The following MYT1L variants were observed in gnomAD, a reference collection of about 807,000 sequenced individuals.
The protein encoded by MYT1L is myelin transcription factor 1-like protein.
A neutral mutation model predicts 126.7 loss-of-function variants in MYT1L; 12 were observed. The observed-to-expected ratio is 0.09, with a 90% confidence interval of 0.06 to 0.15. The LOEUF (loss-of-function observed/expected upper bound fraction) is 0.15. Among genes scored for constraint, MYT1L ranks in the 10% least tolerant of loss-of-function variants. MYT1L has a pLI of 1.00. For missense variants in MYT1L, 979 were observed against 1,585.2 expected (o/e 0.62, Z 6.49); for synonymous variants, 541 against 604.2 (o/e 0.90, Z 1.53).
At chr2:2,226,196 A>T (rs1350748201) in intron 2 of MYT1L, among the ~76,000 whole-genome samples, 1 of 152,154 alleles carries the variant, frequency 6.6e-6, no homozygotes, top group Non-Finnish European at 1.5e-5. Context: ...TCACAGCAAC[A>T]TTGAGTCCTA....
intron 3 of MYT1L, among the ~76,000 whole-genome samples, chr2:2,084,603 C>G (rs892362623): frequency 1.3e-5 from 2 of 152,146 alleles, no homozygotes; most frequent in African/African-American, 4.8e-5. Flanking sequence ...GCTGCAGAAA[C>G]CAGGAGGCAA....
chr2:2,208,714 C>A (rs1290894478), intron 2 of MYT1L, among the ~76,000 whole-genome samples: 1 of 151,896 alleles, frequency 6.6e-6, no homozygotes, highest in Non-Finnish European at 1.5e-5. Flanking sequence ...TAAATTTTTG[C>A]CTGACATTTT....
intron 3 of MYT1L, among the ~76,000 whole-genome samples, chr2:2,114,971 G>A (rs538761854): frequency 1.3e-5 from 2 of 152,276 alleles, no homozygotes; most frequent in South Asian, 2.1e-4. Context: ...TCCTACCTCC[G>A]TAGCATCTCA....
In MYT1L at chr2:2,149,279, G is replaced by A. The variant is rs147305836; in HGVS notation, c.-304+23593C>T. Among the ~76,000 whole-genome samples the A allele has an allele frequency of 7.2e-5, 11 of 152,200 alleles. No individual in the cohort carries two copies. In the East Asian group the frequency reaches 7.7e-4, roughly 11 times the overall value. ...ATGGAAAAGTGTCTTTAAAACCAGC[G>A]GAAAAGAATAATGAATTCAGTAACT... On this transcript the variant is annotated intron_variant, in intron 3 of 24. Coordinates refer to ENST00000647738, the MANE Select transcript of MYT1L (RefSeq NM_001303052.2).
chr2:1,850,836 C>T (rs2043175753), intron 19 of MYT1L, among the ~76,000 whole-genome samples: 1 of 152,112 alleles, frequency 6.6e-6, no homozygotes, highest in Non-Finnish European at 1.5e-5. Context: ...CATCCACTGA[C>T]CCCAATCTGC....
chr2:2,030,343 C>T (rs748170015), intron 4 of MYT1L, among the ~76,000 whole-genome samples: 4 of 152,018 alleles, frequency 2.6e-5, no homozygotes, highest in Admixed American at 1.3e-4. Context: ...ATGATCCACC[C>T]GCCTCAGCCT....
intron 1 of MYT1L, among the ~76,000 whole-genome samples, chr2:2,286,245 T>C (rs550999842): frequency 6.6e-6 from 1 of 152,168 alleles, no homozygotes; most frequent in Non-Finnish European, 1.5e-5. Context: ...CCTCCCAATG[T>C]GCTGGGATTA....
At chr2:2,029,602 C>T (rs72767347) in intron 4 of MYT1L, among the ~76,000 whole-genome samples, 6,397 of 152,232 alleles carry the variant, frequency 0.042, 201 homozygotes, top group Non-Finnish European at 0.065. Context: ...ACAGCAAAGC[C>T]GTATCGATGT....
chr2:2,116,532 G>T (rs1404778909), intron 3 of MYT1L, among the ~76,000 whole-genome samples: 1 of 152,192 alleles, frequency 6.6e-6, no homozygotes, highest in Admixed American at 6.5e-5. Context: ...CTCCAGAGTG[G>T]GTCCCCAGTG....
chr2:2,167,829 C>T (rs919405402), intron 3 of MYT1L, among the ~76,000 whole-genome samples: 3 of 152,216 alleles, frequency 2.0e-5, no homozygotes, highest in African/African-American at 7.2e-5. Context: ...GTTATACTCT[C>T]ACCCTTATTA....
rs577836523 is a variant in MYT1L, at chr2:1,914,858, C to T, written c.1618+2347G>A. Among the ~76,000 whole-genome samples the T allele has an allele frequency of 5.3e-5, 8 of 152,336 alleles. No homozygotes were observed. In the East Asian group the frequency reaches 1.5e-3, roughly 29 times the overall value. On this transcript the variant is annotated intron_variant, in intron 11 of 24. Coordinates refer to ENST00000647738, the MANE Select transcript of MYT1L (RefSeq NM_001303052.2). Reference sequence around the variant, plus strand: ...CCACAACCACTGTCTTTTCCATGCCCTGATCTCTTGTGTGGACTTTTACAA... The same window carrying T: ...CCACAACCACTGTCTTTTCCATGCCTTGATCTCTTGTGTGGACTTTTACAA...
At chr2:1,851,581 T>G in intron 19 of MYT1L, 60 bp downstream of exon 19, 1 of 1,513,562 alleles carries the variant, frequency 6.6e-7, no homozygotes, top group South Asian at 1.1e-5. Context: ...ACGTGAGTGA[T>G]ATTCCTGCCA....
At chr2:2,086,126 T>A (rs2076328682) in intron 3 of MYT1L, among the ~76,000 whole-genome samples, 1 of 152,216 alleles carries the variant, frequency 6.6e-6, no homozygotes, top group South Asian at 2.1e-4. Context: ...TCTGTCTTGA[T>A]AAAGAAGACT....
chr2:2,163,941 AT>A (rs1377541350), intron 3 of MYT1L, among the ~76,000 whole-genome samples: 13 of 151,904 alleles, frequency 8.6e-5, no homozygotes, highest in Admixed American at 5.2e-4. Context: ...GAGAGAAATA[AT>A]TTTTTTCCTC....
At chr2:1,851,539 A>T in intron 19 of MYT1L, 102 bp downstream of exon 19, 1 of 1,093,344 alleles carries the variant, frequency 9.1e-7, no homozygotes, top group Non-Finnish European at 1.4e-6. Context: ...AATTTTGCCC[A>T]TGGTGTCAAA....
At chr2:1,884,280 T>A (rs140190728) in intron 18 of MYT1L, among the ~76,000 whole-genome samples, 1 of 152,238 alleles carries the variant, frequency 6.6e-6, no homozygotes, top group Non-Finnish European at 1.5e-5. Context: ...AATATCACGA[T>A]GTTAATCAGG....
intron 3 of MYT1L, among the ~76,000 whole-genome samples, chr2:2,140,682 C>T (rs757055247): frequency 6.6e-6 from 1 of 152,106 alleles, no homozygotes; most frequent in African/African-American, 2.4e-5. Flanking sequence ...GATCCGCCGC[C>T]TCGGCCTCTC....
intron 2 of MYT1L, among the ~76,000 whole-genome samples, chr2:2,208,350 C>T (rs1363682412): frequency 6.6e-6 from 1 of 152,136 alleles, no homozygotes; most frequent in African/African-American, 2.4e-5. Context: ...GGTTTGTAGA[C>T]CTGTTGCAAC....
chr2:2,092,435 A>C (rs2076998803), intron 3 of MYT1L, among the ~76,000 whole-genome samples: 1 of 152,232 alleles, frequency 6.6e-6, no homozygotes, highest in South Asian at 2.1e-4. Context: ...AAGATGAATG[A>C]TCACAGATAA....
Sources: allele counts gnomAD v4.1 joint callset (sites outside exome capture counted in the v4.1 genomes callset), GRCh38; gene constraint gnomAD v4.1.1; transcripts MANE v1.5; gene names NCBI Gene and HGNC (gene_info 2026-07-23, HGNC 2026-07-21).